GRIN1: variants seen among roughly 807,000 people sequenced by gnomAD.
GRIN1 encodes glutamate receptor ionotropic, NMDA 1.
In GRIN1, 38 loss-of-function variants were observed where a neutral mutation model predicts 103.0. That is an observed-to-expected ratio of 0.37 (90% CI 0.28 to 0.48). GRIN1 has a LOEUF of 0.48. GRIN1 is among the 20% of genes least tolerant of loss of function. The pLI, the probability that GRIN1 is intolerant of heterozygous loss-of-function variation, is 0.98. For missense variants in GRIN1, 577 were observed against 1,288.9 expected, an observed-to-expected ratio of 0.45 and a Z score of 8.46; for synonymous variants, 544 against 532.7, an observed-to-expected ratio of 1.02 and a Z score of -0.29.
At chr9:137,152,669 A>T (rs1832975188) in intron 4 of GRIN1, among the ~76,000 whole-genome samples, 1 of 152,152 alleles carries the variant, frequency 6.6e-6, no homozygotes, top group South Asian at 2.1e-4. Flanking sequence ...GGCCAAGGTC[A>T]CGTTTCCAGA....
Position 137,146,436 on chromosome 9 carries a change from C to T in GRIN1, c.570+534C>T, listed in dbSNP as rs1308488994. On this transcript the variant is annotated intron_variant, in intron 3 of 19. Transcript: ENST00000371561. The surrounding 1 kb of genome is among the most constrained non-coding windows in gnomAD (Gnocchi z 6.7). ...GCCCTGTCCACAGACACCTGCCCCC[C>T]AGCCTGGACCGCCCCTGTGGGCTCC... 6.6e-6 allele frequency among the ~76,000 whole-genome samples: 1 copy of T among 152,162 alleles called. No homozygotes were observed. Among genetic ancestry groups the T allele is most frequent in the Non-Finnish European group, 1.5e-5 (1 of 68,012 alleles).
chr9:137,145,697 T>C, intron 2 of GRIN1, 29 bp from the exon 3 acceptor site: 1 of 1,602,672 alleles, frequency 6.2e-7, no homozygotes, highest in Non-Finnish European at 8.5e-7. Context: ...CGGGTCCACC[T>C]CAGCCCGCCG....
Position 137,162,342 on chromosome 9 carries a change from C to T in GRIN1, c.1751+52C>T, listed in dbSNP as rs566294190. 1.9e-5 allele frequency: 30 copies of T among 1,547,798 alleles called. 3 individuals carry two copies. In the South Asian group the frequency reaches 3.1e-4, roughly 16 times the overall value. ...CTCCATCTGCGGGGCGCGGAGCCGG[C>T]CAGGGGCGGGGCAGGGCCGCCTCTC... On this transcript the variant is annotated intron_variant, in intron 12 of 19. Coordinates refer to ENST00000371561, the MANE Select transcript of GRIN1 (RefSeq NM_007327.4).
At chr9:137,147,951 G>T (rs1255650469) in intron 3 of GRIN1, among the ~76,000 whole-genome samples, 1 of 152,040 alleles carries the variant, frequency 6.6e-6, no homozygotes, top group Non-Finnish European at 1.5e-5. Flanking sequence ...GAGCCTCCAC[G>T]GCCCCGCCCC....
chr9:137,141,758 T>A (rs1273817617), intron 1 of GRIN1, among the ~76,000 whole-genome samples: 1 of 152,122 alleles, frequency 6.6e-6, no homozygotes, highest in Non-Finnish European at 1.5e-5. Flanking sequence ...GTCCTTCACC[T>A]GGCCCTTGAG....
In GRIN1 at chr9:137,168,473, GC is replaced by G; in HGVS notation, c.*948del. ...TCGTCCGGCCTGCAGCCCAGAACGGGCCTCCCCGGGGGTCCCCGGACGCTGG... is the reference window on the plus strand; with the variant it reads ...TCGTCCGGCCTGCAGCCCAGAACGGGCTCCCCGGGGGTCCCCGGACGCTGG... On this transcript the variant is annotated 3_prime_UTR_variant, in exon 20 of 20. Transcript: ENST00000371561. 1 of 190,582 alleles carries G rather than the reference GC, an allele frequency of 5.2e-6. No individual in the cohort carries two copies. The highest frequency in any genetic ancestry group is 1.1e-5 in the Non-Finnish European group (1 of 94,722). The allele number at this position is 190,582 out of a possible 1,614,324, so 11.8% of individuals were successfully genotyped here. A position where few individuals can be genotyped will look rare whatever the true frequency, so the allele number is the denominator to read the frequency against.
intron 6 of GRIN1, 130 bp from the exon 7 acceptor site, chr9:137,158,249 C>A: frequency 9.7e-7 from 1 of 1,035,710 alleles, no homozygotes; most frequent in Non-Finnish European, 1.5e-6. Flanking sequence ...CCAAGCTGCT[C>A]AGCCGGCAGG....
In GRIN1 at chr9:137,168,389, G is replaced by T; in HGVS notation, c.*862G>T. The T allele has an allele frequency of 5.3e-6, 1 of 187,880 alleles. No individual in the cohort carries two copies. The highest frequency in any genetic ancestry group is 1.1e-5 in the Non-Finnish European group (1 of 92,966). The allele number at this position is 187,880 out of a possible 1,614,324, so 11.6% of individuals were successfully genotyped here. A position where few individuals can be genotyped will look rare whatever the true frequency, so the allele number is the denominator to read the frequency against. On this transcript the variant is annotated 3_prime_UTR_variant, in exon 20 of 20. Transcript: ENST00000371561. ...CGTCCCTGACTTCCCAGCTGGCAGC[G>T]CCTCCCGCCGCCTCGGGCCGCCTCC...
chr9:137,163,987 T>A, intron 18 of GRIN1, 83 bp downstream of exon 18: 1 of 1,473,658 alleles, frequency 6.8e-7, no homozygotes, highest in East Asian at 2.3e-5. Context: ...GCCGTGGCAC[T>A]GGCTCTGGCT....
chr9:137,152,768 A>AGC (rs1377549879), intron 4 of GRIN1, among the ~76,000 whole-genome samples: 4 of 152,124 alleles, frequency 2.6e-5, no homozygotes, highest in Non-Finnish European at 4.4e-5. Context: ...CATGCCCATG[A>AGC]GCACACACCA....
chr9:137,140,837 G>A (rs1285919669), intron 1 of GRIN1, among the ~76,000 whole-genome samples: 1 of 152,200 alleles, frequency 6.6e-6, no homozygotes, highest in African/African-American at 2.4e-5. Flanking sequence ...GGGGGAGGGA[G>A]AACCACTTCA....
intron 1 of GRIN1, 99 bp from the exon 2 acceptor site, chr9:137,141,914 G>A (rs895474737): frequency 2.3e-6 from 3 of 1,293,488 alleles, no homozygotes; most frequent in African/African-American, 2.9e-5. Context: ...GCCCCCCTTA[G>A]CCTGCTGGGT....
chr9:137,150,772 GA>G (rs1400945438), intron 4 of GRIN1, among the ~76,000 whole-genome samples: 1 of 118,584 alleles, frequency 8.4e-6, no homozygotes, highest in African/African-American at 3.3e-5. Context: ...CCAGCCCAAG[GA>G]AAGCCCTGCC....
At position 137,165,311 on chromosome 9, in the gene GRIN1, AC is replaced by A; in HGVS notation, c.2700+19del. 6 of 1,505,958 alleles carry A rather than the reference AC, an allele frequency of 4.0e-6. No individual in the cohort carries two copies. The highest frequency in any genetic ancestry group is 1.8e-6 in the Non-Finnish European group (2 of 1,084,032). 93.3% of individuals were successfully genotyped at this position (1,505,958 alleles called of 1,614,324 possible). On this transcript the variant is annotated intron_variant, in intron 19 of 19. Transcript: ENST00000371561. The stretch of plus-strand genomic sequence containing the variant: ...CCAAAGACACGGTAAGGGGGAGAGC[AC>A]CCCAGTCCCGCGTCCGACTCCACCT...
At chr9:137,157,477 A>G (rs1032045276) in intron 6 of GRIN1, among the ~76,000 whole-genome samples, 3 of 152,160 alleles carry the variant, frequency 2.0e-5, no homozygotes, top group Non-Finnish European at 4.4e-5. Context: ...TCCACACTGC[A>G]GCCCACCCTG....
intron 4 of GRIN1, among the ~76,000 whole-genome samples, chr9:137,153,048 C>T (rs1273574416): frequency 2.0e-5 from 3 of 152,104 alleles, no homozygotes; most frequent in African/African-American, 7.2e-5. Flanking sequence ...TCATACACAA[C>T]ACATACACGT....
At chr9:137,151,613 G>T (rs1044873729) in intron 4 of GRIN1, among the ~76,000 whole-genome samples, 3 of 151,658 alleles carry the variant, frequency 2.0e-5, no homozygotes, top group East Asian at 3.9e-4. Context: ...AAAAAGCCCC[G>T]CCCAGAAAAA....
chr9:137,142,668 C>T (rs1338428740), intron 2 of GRIN1, among the ~76,000 whole-genome samples: 3 of 152,206 alleles, frequency 2.0e-5, no homozygotes, highest in African/African-American at 7.2e-5. Flanking sequence ...GCTTTCTAGA[C>T]AGGTGGACTT....
intron 2 of GRIN1, among the ~76,000 whole-genome samples, chr9:137,143,889 GA>G (rs1832311939): frequency 6.6e-6 from 1 of 152,238 alleles, no homozygotes; most frequent in Admixed American, 6.5e-5. Flanking sequence ...AACTGAGGCA[GA>G]GGGGGGCAGA....
Sources: allele counts gnomAD v4.1 joint callset (sites outside exome capture counted in the v4.1 genomes callset), GRCh38; gene constraint gnomAD v4.1.1; non-coding constraint Gnocchi (gnomAD v3.1); transcripts MANE v1.5; gene names NCBI Gene and HGNC (gene_info 2026-07-23, HGNC 2026-07-21).